Variants in CCDC178 observed in about 807,000 individuals in gnomAD.
The protein encoded by CCDC178 is coiled-coil domain-containing protein 178.
A neutral mutation model predicts 117.4 loss-of-function variants in CCDC178; 126 were observed. That is an observed-to-expected ratio of 1.07 (90% CI 0.93 to 1.24). The LOEUF (loss-of-function observed/expected upper bound fraction) is 1.24. Ranked by LOEUF, CCDC178 falls within the 50% of genes most tolerant of loss-of-function variation. The pLI, the probability that CCDC178 is intolerant of heterozygous loss-of-function variation, is 0.00. For missense variants in CCDC178, 1,030 were observed against 986.9 expected (o/e 1.04, Z -0.59); for synonymous variants, 283 against 313.4 (o/e 0.90, Z 1.02).
intron 15 of CCDC178, among the ~76,000 whole-genome samples, chr18:33,234,116 C>T (rs1039413813): frequency 8.5e-5 from 13 of 152,058 alleles, no homozygotes; most frequent in Non-Finnish European, 1.8e-4. Flanking sequence ...ATGTTCAATG[C>T]TTTATTTCTA....
At chr18:33,073,557 A>G (rs1305225114) in intron 21 of CCDC178, among the ~76,000 whole-genome samples, 2 of 149,810 alleles carry the variant, frequency 1.3e-5, no homozygotes, top group Non-Finnish European at 3.0e-5. Context: ...CTATCTATAT[A>G]TATATCTTTG....
chr18:33,244,646 C>T (rs1185596404), intron 15 of CCDC178, among the ~76,000 whole-genome samples: 2 of 151,902 alleles, frequency 1.3e-5, no homozygotes, highest in African/African-American at 2.4e-5. Context: ...GTCAATTAAA[C>T]CTCTTTTCTT....
At chr18:33,051,531 C>A (rs1028254375) in intron 21 of CCDC178, among the ~76,000 whole-genome samples, 3 of 152,132 alleles carry the variant, frequency 2.0e-5, no homozygotes, top group Non-Finnish European at 4.4e-5. Context: ...TCTAGTGACA[C>A]GAAGATTCAG....
At chr18:33,115,574 G>T (rs140875508) in intron 20 of CCDC178, among the ~76,000 whole-genome samples, 1 of 151,842 alleles carries the variant, frequency 6.6e-6, no homozygotes, top group African/African-American at 2.4e-5. Flanking sequence ...AGTAATCACC[G>T]AACAAAGATT....
chr18:33,418,539 G>T (rs933879217), intron 2 of CCDC178, among the ~76,000 whole-genome samples: 1 of 151,816 alleles, frequency 6.6e-6, no homozygotes, highest in African/African-American at 2.4e-5. Flanking sequence ...TAGAGAGAGG[G>T]CTAAAGTATC....
intron 20 of CCDC178, among the ~76,000 whole-genome samples, chr18:33,187,920 C>G (rs369727769): frequency 1.4e-4 from 22 of 152,222 alleles, no homozygotes; most frequent in African/African-American, 4.8e-4. Flanking sequence ...ATCTACTTAA[C>G]AGTTTCTGCC....
Position 33,372,912 on chromosome 18 carries a change from C to T in CCDC178, c.209-2723G>A, listed in dbSNP as rs189943833. Reference sequence around the variant, plus strand: ...TACGTTACCCCAATTATTCTATCATCCCTTTATCTCAACTCAGAACGCTTA... The same window carrying T: ...TACGTTACCCCAATTATTCTATCATTCCTTTATCTCAACTCAGAACGCTTA... On this transcript the variant is annotated intron_variant, in intron 5 of 22. Transcript: ENST00000383096. Among the ~76,000 whole-genome samples the T allele has an allele frequency of 2.5e-3, 376 of 152,232 alleles. 1 individual carries two copies. The highest frequency in any genetic ancestry group is 8.5e-3 in the African/African-American group (354 of 41,568).
At chr18:33,266,785 AG>A (rs1260941959) in intron 14 of CCDC178, 130 bp downstream of exon 14, 1 of 945,588 alleles carries the variant, frequency 1.1e-6, no homozygotes, top group Non-Finnish European at 1.5e-6. Flanking sequence ...CATTTTGAAT[AG>A]AACTTAAATT....
chr18:33,319,956 T>C (rs987007828), intron 11 of CCDC178, among the ~76,000 whole-genome samples: 3 of 152,220 alleles, frequency 2.0e-5, no homozygotes, highest in Non-Finnish European at 4.4e-5. Context: ...TCAATAAACG[T>C]AATCCAGCAT....
chr18:33,109,940 T>G (rs1270904225), intron 20 of CCDC178, among the ~76,000 whole-genome samples: 1 of 151,562 alleles, frequency 6.6e-6, no homozygotes, highest in Non-Finnish European at 1.5e-5. Flanking sequence ...TTAACATATT[T>G]TGCTGCACAT....
rs142216078 is a variant in CCDC178 at position 33,298,118 on chromosome 18, T to A, written c.1023-4806A>T. 1.7e-3 allele frequency among the ~76,000 whole-genome samples: 254 copies of A among 151,254 alleles called. 1 individual carries two copies. The highest frequency in any genetic ancestry group is 6.1e-3 in the African/African-American group (251 of 41,290). ...TGAAATGAAAGGAACTCTCCCTAAC[T>A]CATTCCACAAGACCGCTGTAACCTT... On this transcript the variant is annotated intron_variant, in intron 11 of 22. Coordinates refer to ENST00000383096, the MANE Select transcript of CCDC178 (RefSeq NM_001105528.4).
At chr18:33,327,709 A>G (rs1599167087) in intron 10 of CCDC178, among the ~76,000 whole-genome samples, 1 of 152,102 alleles carries the variant, frequency 6.6e-6, no homozygotes, top group African/African-American at 2.4e-5. Context: ...GATGTTGAAC[A>G]TACATCTTTT....
At chr18:33,335,361 T>A (rs1221942664) in intron 9 of CCDC178, among the ~76,000 whole-genome samples, 1 of 152,054 alleles carries the variant, frequency 6.6e-6, no homozygotes, top group African/African-American at 2.4e-5. Flanking sequence ...ATACATGCAA[T>A]GTTTGATAAT....
chr18:33,262,447 T>C (rs2059761980), intron 14 of CCDC178, among the ~76,000 whole-genome samples: 1 of 152,172 alleles, frequency 6.6e-6, no homozygotes. Flanking sequence ...TTTCAAACCT[T>C]AACTCATCCA....
chr18:33,214,183 TAC>T (rs1247876903), intron 19 of CCDC178, among the ~76,000 whole-genome samples: 1 of 152,032 alleles, frequency 6.6e-6, no homozygotes, highest in African/African-American at 2.4e-5. Flanking sequence ...TTGGAAATGA[TAC>T]AATTTAACCA....
At chr18:33,332,854 T>C (rs1381989876) in intron 10 of CCDC178, among the ~76,000 whole-genome samples, 1 of 152,172 alleles carries the variant, frequency 6.6e-6, no homozygotes, top group African/African-American at 2.4e-5. Context: ...GCTTAAGCGA[T>C]GCACCCACCT....
intron 14 of CCDC178, among the ~76,000 whole-genome samples, chr18:33,263,654 A>G (rs964902359): frequency 6.6e-6 from 1 of 152,138 alleles, no homozygotes; most frequent in African/African-American, 2.4e-5. Context: ...CAAATTTCTT[A>G]CCACAAACGT....
intron 5 of CCDC178, among the ~76,000 whole-genome samples, chr18:33,381,255 G>GCCC (rs2063435703): frequency 6.6e-6 from 1 of 152,140 alleles, no homozygotes; most frequent in African/African-American, 2.4e-5. Context: ...TGGAGAGCCA[G>GCCC]CTGGGTATGG....
chr18:32,967,353 A>C (rs2054836104), intron 22 of CCDC178, among the ~76,000 whole-genome samples: 1 of 151,454 alleles, frequency 6.6e-6, no homozygotes, highest in Non-Finnish European at 1.5e-5. Flanking sequence ...ATATATTATA[A>C]AGTTATGTTG....
Sources: allele counts gnomAD v4.1 joint callset (sites outside exome capture counted in the v4.1 genomes callset), GRCh38; gene constraint gnomAD v4.1.1; transcripts MANE v1.5; gene names NCBI Gene and HGNC (gene_info 2026-07-23, HGNC 2026-07-21).